The following ZFAND3 variants were observed in gnomAD, a reference collection of about 807,000 sequenced individuals.
The protein encoded by ZFAND3 is AN1-type zinc finger protein 3.
A neutral mutation model predicts 29.6 loss-of-function variants in ZFAND3; 10 were observed. That is an observed-to-expected ratio of 0.34 (90% CI 0.21 to 0.57). The LOEUF (loss-of-function observed/expected upper bound fraction) is 0.57, where lower values mean the gene tolerates loss of function less well. ZFAND3 is among the 20% of genes least tolerant of loss of function. The pLI, the probability that ZFAND3 is intolerant of heterozygous loss-of-function variation, is 0.86. For synonymous variants in ZFAND3, 128 were observed against 112.6 expected (o/e 1.14, Z -0.87); for missense variants, 230 against 304.5 (o/e 0.76, Z 1.82).
intron 1 of ZFAND3, among the ~76,000 whole-genome samples, chr6:37,836,974 G>C (rs951948278): frequency 6.6e-6 from 1 of 152,098 alleles, no homozygotes; most frequent in Non-Finnish European, 1.5e-5. Flanking sequence ...TAAATATTTA[G>C]ATGTCTTTTC....
chr6:37,845,632 G>A (rs1323455980), intron 1 of ZFAND3, among the ~76,000 whole-genome samples: 1 of 152,202 alleles, frequency 6.6e-6, no homozygotes, highest in Non-Finnish European at 1.5e-5. Flanking sequence ...GGTTTTTGAA[G>A]CAGGTTGCAT....
At chr6:37,857,266 C>T (rs1166984087) in intron 1 of ZFAND3, among the ~76,000 whole-genome samples, 1 of 152,082 alleles carries the variant, frequency 6.6e-6, no homozygotes, top group Non-Finnish European at 1.5e-5. Context: ...TTATGTTTAT[C>T]AACACAATTG....
intron 2 of ZFAND3, among the ~76,000 whole-genome samples, chr6:37,934,335 C>T (rs777899359): frequency 1.3e-5 from 2 of 152,122 alleles, no homozygotes; most frequent in Non-Finnish European, 2.9e-5. Context: ...ACTTCTTTCT[C>T]AGTCTTAAGA....
At chr6:37,907,481 A>C (rs1040636022) in intron 1 of ZFAND3, among the ~76,000 whole-genome samples, 1 of 152,178 alleles carries the variant, frequency 6.6e-6, no homozygotes, top group Non-Finnish European at 1.5e-5. Flanking sequence ...ATGGAATCAT[A>C]ATGTATAGTC....
In ZFAND3 at chr6:37,979,579, A is replaced by T. The variant is rs562875494; in HGVS notation, c.112+49580A>T. ...AAGATAAAACCTTCTTGAGTACTCTATGCAATGCTCCTGAATTATGAGTTT... is the reference window on the plus strand; with the variant it reads ...AAGATAAAACCTTCTTGAGTACTCTTTGCAATGCTCCTGAATTATGAGTTT... On this transcript the variant is annotated intron_variant, in intron 2 of 5. Transcript: ENST00000287218. Among the ~76,000 whole-genome samples, 8 of 152,322 alleles carry T rather than the reference A, an allele frequency of 5.3e-5. No homozygotes were observed. The South Asian group carries it at 1.7e-3, about 32-fold the overall frequency.
intron 1 of ZFAND3, among the ~76,000 whole-genome samples, chr6:37,837,609 A>G (rs1305741682): frequency 6.6e-6 from 1 of 151,200 alleles, no homozygotes; most frequent in Non-Finnish European, 1.5e-5. Context: ...GGTTGAAGCG[A>G]TTCTCCTGCG....
At chr6:37,895,880 T>C (rs1765194559) in intron 1 of ZFAND3, among the ~76,000 whole-genome samples, 1 of 152,226 alleles carries the variant, frequency 6.6e-6, no homozygotes, top group Admixed American at 6.5e-5. Context: ...AATCTAGGGT[T>C]CATTTACTCC....
intron 1 of ZFAND3, among the ~76,000 whole-genome samples, chr6:37,864,457 C>T (rs1561914988): frequency 6.6e-6 from 1 of 152,132 alleles, no homozygotes; most frequent in Non-Finnish European, 1.5e-5. Context: ...TAATTGCACA[C>T]TTATCTGGGG....
chr6:38,087,905 A>G (rs564533352), intron 4 of ZFAND3, among the ~76,000 whole-genome samples: 1 of 152,348 alleles, frequency 6.6e-6, no homozygotes, highest in Admixed American at 6.5e-5. Flanking sequence ...AGCACTATTC[A>G]CAATAGCTAA....
chr6:37,965,376 A>T (rs1195567261), intron 2 of ZFAND3, among the ~76,000 whole-genome samples: 1 of 152,120 alleles, frequency 6.6e-6, no homozygotes, highest in East Asian at 1.9e-4. Flanking sequence ...AGTCTCATGG[A>T]TGTCAGAATA....
At chr6:37,849,157 A>G (rs1460506847) in intron 1 of ZFAND3, among the ~76,000 whole-genome samples, 3 of 152,184 alleles carry the variant, frequency 2.0e-5, no homozygotes, top group Admixed American at 6.5e-5. Context: ...CGGGGGCTGC[A>G]GGGGGCCAGA....
chr6:38,107,572 C>T (rs145858892), intron 4 of ZFAND3, among the ~76,000 whole-genome samples: 2 of 152,224 alleles, frequency 1.3e-5, no homozygotes, highest in African/African-American at 4.8e-5. Context: ...TGGCTCACAC[C>T]TGTAATCCCA....
chr6:37,925,612 G>A (rs1305540243), intron 1 of ZFAND3, among the ~76,000 whole-genome samples: 1 of 151,466 alleles, frequency 6.6e-6, no homozygotes, highest in Non-Finnish European at 1.5e-5. Flanking sequence ...GCTGAGGCCG[G>A]AGAATCGCTT....
chr6:38,003,584 T>C (rs185875675), intron 2 of ZFAND3: 302 of 249,132 alleles, frequency 1.2e-3, no homozygotes, highest in Non-Finnish European at 1.4e-3. Flanking sequence ...CTGCAACCCC[T>C]GCCTCTTGGG....
At chr6:37,927,953 T>C (rs1761519368) in intron 1 of ZFAND3, among the ~76,000 whole-genome samples, 1 of 152,222 alleles carries the variant, frequency 6.6e-6, no homozygotes, top group Admixed American at 6.5e-5. Context: ...TTCTCAATGG[T>C]AAAATGGGGT....
intron 1 of ZFAND3, among the ~76,000 whole-genome samples, chr6:37,875,370 T>G (rs1447772036): frequency 6.6e-6 from 1 of 152,200 alleles, no homozygotes; most frequent in Non-Finnish European, 1.5e-5. Flanking sequence ...ATTTTAGATG[T>G]TATTCAAAAA....
intron 1 of ZFAND3, among the ~76,000 whole-genome samples, chr6:37,917,831 C>T (rs1761287709): frequency 6.6e-6 from 1 of 151,776 alleles, no homozygotes; most frequent in South Asian, 2.1e-4. Context: ...TGAGAATGGC[C>T]TAGTAGATTG....
chr6:37,830,743 C>A (rs978182368), intron 1 of ZFAND3, among the ~76,000 whole-genome samples: 11 of 152,146 alleles, frequency 7.2e-5, no homozygotes, highest in Admixed American at 2.6e-4. Context: ...TTTTTCTTCT[C>A]TCCTCTTTCC....
chr6:37,899,610 G>T (rs1297339579), intron 1 of ZFAND3, among the ~76,000 whole-genome samples: 1 of 152,166 alleles, frequency 6.6e-6, no homozygotes, highest in Non-Finnish European at 1.5e-5. Flanking sequence ...AATAAGCACT[G>T]TTTAAATAGG....
Sources: allele counts gnomAD v4.1 joint callset (sites outside exome capture counted in the v4.1 genomes callset), GRCh38; gene constraint gnomAD v4.1.1; transcripts MANE v1.5; gene names NCBI Gene and HGNC (gene_info 2026-07-23, HGNC 2026-07-21).